The following LRRC8A variants were observed in gnomAD, a reference collection of about 807,000 sequenced individuals.
LRRC8A encodes volume-regulated anion channel subunit LRRC8A.
LRRC8A carries 24 observed loss-of-function variants against 52.5 expected under a neutral mutation model. That is an observed-to-expected ratio of 0.46 (90% CI 0.33 to 0.64). The LOEUF (loss-of-function observed/expected upper bound fraction) is 0.64. Among genes scored for constraint, LRRC8A ranks in the 30% least tolerant of loss-of-function variants. The pLI, the probability that LRRC8A is intolerant of heterozygous loss-of-function variation, is 0.02. For missense variants in LRRC8A, 677 were observed against 1,094.7 expected (o/e 0.62, Z 5.38); for synonymous variants, 492 against 494.2 (o/e 1.00, Z 0.06).
chr9:128,908,800 C>G lies in LRRC8A; in HGVS notation c.1636C>G (p.Leu546Val). ...CGACGGGCTGCGGGAGCTCAAACGC[C>G]TCAAGGTGCTGCGGCTCAAGAGCAA... ...VIDGLRELKR[L>V]KVLRLKSNLS... The change falls in exon 3 of 4, where the codon CTC becomes GTC. Residue 546 changes from leucine to valine, a missense_variant. Physicochemically the swap from Leu to Val is conservative, Grantham distance 32. Coordinates refer to ENST00000372600, the MANE Select transcript of LRRC8A (RefSeq NM_019594.4). 1.2e-6 allele frequency: 2 copies of G among 1,613,500 alleles called. No homozygotes were observed. The highest frequency in any genetic ancestry group is 1.7e-6 in the Non-Finnish European group (2 of 1,180,030).
At chr9:128,894,205 C>T (rs1839732841) in intron 2 of LRRC8A, among the ~76,000 whole-genome samples, 1 of 151,894 alleles carries the variant, frequency 6.6e-6, no homozygotes, top group African/African-American at 2.4e-5. Context: ...AAAAAATTGC[C>T]AGGCATGGTG....
At chr9:128,896,391 G>A (rs1268404672) in intron 2 of LRRC8A, among the ~76,000 whole-genome samples, 1 of 152,178 alleles carries the variant, frequency 6.6e-6, no homozygotes, top group Non-Finnish European at 1.5e-5. Context: ...CTTGTGTGTG[G>A]TTTCTCACTT....
intron 3 of LRRC8A, among the ~76,000 whole-genome samples, chr9:128,915,206 C>T (rs1840754843): frequency 1.3e-5 from 2 of 152,148 alleles, no homozygotes; most frequent in African/African-American, 2.4e-5. Flanking sequence ...GGTCCAAGGT[C>T]CCCCGTGGAT....
intron 2 of LRRC8A, among the ~76,000 whole-genome samples, chr9:128,898,967 C>G (rs1839926133): frequency 1.3e-5 from 2 of 152,236 alleles, no homozygotes; most frequent in Non-Finnish European, 1.5e-5. Context: ...TAGCCCCTCC[C>G]TCTCTGCCAG....
At chr9:128,882,298 A>T (rs1185014148) in intron 1 of LRRC8A, 48 bp downstream of exon 1, 1 of 156,004 alleles carries the variant, frequency 6.4e-6, no homozygotes, top group East Asian at 1.8e-4. Context: ...ACCTCTCGAA[A>T]CCCACTTACA....
Position 128,908,208 on chromosome 9 carries a change from C to G in LRRC8A, c.1044C>G (p.Leu348=). The change falls in exon 3 of 4, where the codon CTC becomes CTG. Residue 348 remains leucine (L), a synonymous_variant. Coordinates refer to ENST00000372600, the MANE Select transcript of LRRC8A (RefSeq NM_019594.4). ...TGTGGTGGATGCTACGGCGCTCCCT[C>G]AAGAAGTACTCGTTTGAGTCGATCC... ...YTLWWMLRRS[L]KKYSFESIRE... The G allele has an allele frequency of 6.2e-7, 1 of 1,614,096 alleles. No homozygotes were observed. Among genetic ancestry groups the G allele is most frequent in the Non-Finnish European group, 8.5e-7 (1 of 1,180,030 alleles).
intron 2 of LRRC8A, among the ~76,000 whole-genome samples, chr9:128,903,761 CT>C (rs1840125630): frequency 6.6e-6 from 1 of 151,578 alleles, no homozygotes; most frequent in Non-Finnish European, 1.5e-5. Flanking sequence ...GGCACGGTGG[CT>C]CACGCCTGTA....
chr9:128,890,427 T>G (rs943960308), intron 2 of LRRC8A, among the ~76,000 whole-genome samples: 2 of 152,266 alleles, frequency 1.3e-5, no homozygotes, highest in Admixed American at 1.3e-4. Context: ...GCTGTAAAAT[T>G]CCATAGCTTT....
chr9:128,897,553 A>T (rs1260615723), intron 2 of LRRC8A, among the ~76,000 whole-genome samples: 8 of 149,550 alleles, frequency 5.3e-5, no homozygotes, highest in South Asian at 4.3e-4. Flanking sequence ...TTAAAAAAAA[A>T]TTTTTTTTTT....
chr9:128,894,829 T>G (rs1036426228), intron 2 of LRRC8A, among the ~76,000 whole-genome samples: 11 of 152,092 alleles, frequency 7.2e-5, no homozygotes, highest in African/African-American at 2.7e-4. Context: ...TTTCCTAATT[T>G]TTTTCATTGT....
chr9:128,889,161 AC>A (rs1231418144), intron 2 of LRRC8A, among the ~76,000 whole-genome samples: 1 of 151,184 alleles, frequency 6.6e-6, no homozygotes, highest in African/African-American at 2.4e-5. Flanking sequence ...TTTCTACTTC[AC>A]CCTCCATTAC....
Position 128,907,778 on chromosome 9 carries a change from T to C in LRRC8A, c.614T>C (p.Val205Ala). ...AAGTCATCGACCGTCAGTGAGGACG[T>C]GGAGGCCACCGTGCCCATGCTGCAG... ...DKKSSTVSED[V>A]EATVPMLQRT... Residue 205 changes from valine (V) to alanine (A), a missense_variant, in exon 3 of 4, where the codon GTG becomes GCG. Transcript: ENST00000372600. This position sits in a 1 kb window ranked among gnomAD's most constrained non-coding sequence, Gnocchi z 9.3. 1.9e-6 allele frequency: 3 copies of C among 1,613,874 alleles called. No individual in the cohort carries two copies.
Position 128,887,799 on chromosome 9 carries a change from G to T in LRRC8A, c.-9+1678G>T. Reference sequence around the variant, plus strand: ...TGGGACTACAGGCGCCCGCCACCACGCCCGGCTAATTTTTTTTGTATTTTT... The same window carrying T: ...TGGGACTACAGGCGCCCGCCACCACTCCCGGCTAATTTTTTTTGTATTTTT... On this transcript the variant is annotated intron_variant, in intron 2 of 3. Transcript: ENST00000372600. Among the ~76,000 whole-genome samples the T allele has an allele frequency of 1.3e-5, 2 of 151,932 alleles. 1 individual carries two copies. The highest frequency in any genetic ancestry group is 3.9e-4 in the East Asian group (2 of 5,164).
At chr9:128,896,467 G>A (rs1839828876) in intron 2 of LRRC8A, among the ~76,000 whole-genome samples, 1 of 152,174 alleles carries the variant, frequency 6.6e-6, no homozygotes. Flanking sequence ...TGTAGAGTAC[G>A]TGCATCCTAC....
rs1468444276 is a variant in LRRC8A, at chr9:128,911,307, A to G, written c.2157+1986A>G. 6.6e-6 allele frequency among the ~76,000 whole-genome samples: 1 copy of G among 152,148 alleles called. No homozygotes were observed. The highest frequency in any genetic ancestry group is 1.5e-5 in the Non-Finnish European group (1 of 68,030). On this transcript the variant is annotated intron_variant, in intron 3 of 3. Coordinates refer to ENST00000372600, the MANE Select transcript of LRRC8A (RefSeq NM_019594.4). This position sits in a 1 kb window ranked among gnomAD's most constrained non-coding sequence, Gnocchi z 4.9. Reference sequence around the variant, plus strand: ...CCCACATGTATCAGGGATTTTGACAAGTCCTTATCTCCGGCCACCCCATAT... The same window carrying G: ...CCCACATGTATCAGGGATTTTGACAGGTCCTTATCTCCGGCCACCCCATAT...
chr9:128,895,994 C>CG (rs1468251294), intron 2 of LRRC8A, among the ~76,000 whole-genome samples: 2 of 152,232 alleles, frequency 1.3e-5, no homozygotes, highest in Non-Finnish European at 2.9e-5. Flanking sequence ...CACACATGCA[C>CG]GCACGCACAC....
chr9:128,883,646 T>G (rs1839241398), intron 1 of LRRC8A, among the ~76,000 whole-genome samples: 1 of 152,146 alleles, frequency 6.6e-6, no homozygotes, highest in Non-Finnish European at 1.5e-5. Context: ...TGGGGTCTGA[T>G]GCCCTCTGCG....
At chr9:128,914,156 G>A (rs1840693447) in intron 3 of LRRC8A, among the ~76,000 whole-genome samples, 1 of 152,110 alleles carries the variant, frequency 6.6e-6, no homozygotes, top group South Asian at 2.1e-4. Flanking sequence ...AGTGAGCCAA[G>A]ATTGCGCCAC....
At chr9:128,887,277 G>C (rs147739923) in intron 2 of LRRC8A, among the ~76,000 whole-genome samples, 3,103 of 152,128 alleles carry the variant, frequency 0.02, 113 homozygotes, top group African/African-American at 0.071. Context: ...TCCTGCCTCA[G>C]CCTCCCAACT....
Sources: gnomAD v4.1 joint callset for allele counts (sites outside exome capture counted in the v4.1 genomes callset) on GRCh38, gnomAD v4.1.1 for gene constraint, Gnocchi (gnomAD v3.1) non-coding constraint, MANE v1.5 for transcripts, NCBI Gene and HGNC (gene_info 2026-07-23, HGNC 2026-07-21) for gene names.